The following MLF1 variants were observed in gnomAD, a reference collection of about 807,000 sequenced individuals.
MLF1 encodes the protein myeloid leukemia factor 1.
In MLF1, 37 loss-of-function variants were observed where a neutral mutation model predicts 38.3. The ratio of observed to expected loss-of-function variants is 0.96; its 90% CI spans 0.74 to 1.27. The LOEUF is 1.27. Among genes scored for constraint, MLF1 ranks in the 50% most tolerant of loss-of-function variants. The pLI is 0.00. For synonymous variants in MLF1, 95 were observed against 106.5 expected, an observed-to-expected ratio of 0.89 and a Z score of 0.66; for missense variants, 331 against 349.2, an observed-to-expected ratio of 0.95 and a Z score of 0.42.
chr3:158,578,015 C>T (rs1464145018), intron 1 of MLF1, among the ~76,000 whole-genome samples: 1 of 152,066 alleles, frequency 6.6e-6, no homozygotes, highest in Non-Finnish European at 1.5e-5. Context: ...TACTATAGGC[C>T]GAACCCTGTG....
rs368269871 is a variant in MLF1, at chr3:158,602,885, C to A, written c.692C>A (p.Thr231Asn). The change falls in exon 7 of 8, where the codon ACT (threonine) becomes AAT (asparagine). Residue 231 changes from threonine to asparagine, a missense_variant. By Grantham distance (65) the Thr-to-Asn change is moderately conservative (BLOSUM62 0). Transcript: ENST00000466246. Reference protein sequence around the residue: ...YKPGRHNLGNTRMRSVGHENP... With the variant: ...YKPGRHNLGNNRMRSVGHENP... ...CCAGGACGACACAATCTAGGAAACA[C>A]TAGAATGAGAAGTGTTGGCCATGAG... 1.2e-6 allele frequency: 2 copies of A among 1,613,538 alleles called. No individual in the cohort carries two copies. The highest frequency in any genetic ancestry group is 2.2e-5 in the South Asian group (2 of 91,022).
At chr3:158,601,156 C>T (rs1031859969) in intron 6 of MLF1, among the ~76,000 whole-genome samples, 4 of 152,010 alleles carry the variant, frequency 2.6e-5, no homozygotes, top group Non-Finnish European at 5.9e-5. Context: ...AAATTCTGGC[C>T]GGGCACGGTG....
chr3:158,597,879 CT>C (rs1719121970), intron 4 of MLF1, among the ~76,000 whole-genome samples, 200 bp from the exon 5 acceptor site: 1 of 152,126 alleles, frequency 6.6e-6, no homozygotes, highest in African/African-American at 2.4e-5. Context: ...CGTTAGGACC[CT>C]CTAGGGGTGA....
At chr3:158,573,793 G>A (rs1391377971) in intron 1 of MLF1, among the ~76,000 whole-genome samples, 1 of 143,386 alleles carries the variant, frequency 7.0e-6, no homozygotes, top group African/African-American at 2.5e-5. Flanking sequence ...ATCTGTGGGG[G>A]GTGTGTTGTG....
Position 158,596,912 on chromosome 3 carries a change from G to A in MLF1, c.291G>A (p.Met97Ile). The A allele has an allele frequency of 1.2e-6, 2 of 1,609,328 alleles. No homozygotes were observed. Among genetic ancestry groups the A allele is most frequent in the Non-Finnish European group, 1.7e-6 (2 of 1,177,002 alleles). Residue 97 changes from methionine (M) to isoleucine (I), a missense_variant, in exon 4 of 8, where the codon ATG becomes ATA. Physicochemically the swap from Met to Ile is conservative, Grantham distance 10. Transcript: ENST00000466246. The part of the protein sequence containing the change: ...FQTMDQMVSN[M>I]RNYMQKLERN... ...CAATGGACCAAATGGTGTCAAATATGAGAAACTATATGCAGAAATTAGAAA... is the reference window on the plus strand; with the variant it reads ...CAATGGACCAAATGGTGTCAAATATAAGAAACTATATGCAGAAATTAGAAA...
intron 2 of MLF1, 151 bp from the exon 3 acceptor site, chr3:158,593,231 T>A: frequency 1.9e-6 from 1 of 524,190 alleles, no homozygotes; most frequent in Non-Finnish European, 3.2e-6. Flanking sequence ...ATGATAGTTC[T>A]AAGATAACAA....
At chr3:158,582,215 G>T (rs1279677968) in intron 1 of MLF1, among the ~76,000 whole-genome samples, 1 of 151,960 alleles carries the variant, frequency 6.6e-6, no homozygotes, top group Non-Finnish European at 1.5e-5. Context: ...CCTTTTATGG[G>T]CTTATCAGTG....
At position 158,575,600 on chromosome 3, in the gene MLF1, T is replaced by C. The variant is rs1560094708; in HGVS notation, c.47+4253T>C. ...GAATCATCCACTGACCTTAGGAACA[T>C]AGAGATGTGAAACACATAGCTCATG... On this transcript the variant is annotated intron_variant, in intron 1 of 7. Coordinates refer to ENST00000466246, the MANE Select transcript of MLF1 (RefSeq NM_001369783.1). 2.0e-5 allele frequency among the ~76,000 whole-genome samples: 3 copies of C among 152,226 alleles called. No homozygotes were observed. In the East Asian group the frequency reaches 5.8e-4, roughly 29 times the overall value.
At chr3:158,601,806 CTTTT>C (rs1188640734) in intron 6 of MLF1, among the ~76,000 whole-genome samples, 1 of 96,048 alleles carries the variant, frequency 1.0e-5, no homozygotes, top group Non-Finnish European at 1.9e-5. Flanking sequence ...TAAAATTATT[CTTTT>C]TTTTTTTTTT....
At chr3:158,592,855 A>C (rs1327847636) in intron 2 of MLF1, among the ~76,000 whole-genome samples, 1 of 152,136 alleles carries the variant, frequency 6.6e-6, no homozygotes, top group African/African-American at 2.4e-5. Context: ...TTATGTATAC[A>C]TTTCTCACCT....
intron 1 of MLF1, among the ~76,000 whole-genome samples, chr3:158,578,346 A>G (rs983882101): frequency 6.6e-6 from 1 of 152,008 alleles, no homozygotes; most frequent in African/African-American, 2.4e-5. Flanking sequence ...ATATTCTTAT[A>G]TAGATGAAAA....
chr3:158,592,574 C>CT lies in MLF1; in HGVS notation c.191dup (p.Leu64PhefsTer71), dbSNP rs1560106185. ...AGAGGACATAATGATGGTGAAGATT[C>CT]TTTGACTGTAAGTTCTTTTTTTTAA... On this transcript the variant is annotated frameshift_variant, in exon 2 of 8. Coordinates refer to ENST00000466246, the MANE Select transcript of MLF1 (RefSeq NM_001369783.1). LOFTEE classifies it high-confidence loss of function. 1 of 1,600,300 alleles carries CT rather than the reference C, an allele frequency of 6.2e-7. No homozygotes were observed. Among genetic ancestry groups the CT allele is most frequent in the Non-Finnish European group, 8.5e-7 (1 of 1,176,282 alleles).
intron 1 of MLF1, among the ~76,000 whole-genome samples, chr3:158,575,327 C>G (rs975678369): frequency 6.6e-6 from 1 of 152,176 alleles, no homozygotes; most frequent in African/African-American, 2.4e-5. Context: ...TGCTTACAGA[C>G]TACCATCTTT....
chr3:158,585,604 C>T (rs1324597739), intron 1 of MLF1, among the ~76,000 whole-genome samples: 1 of 152,058 alleles, frequency 6.6e-6, no homozygotes, highest in East Asian at 1.9e-4. Context: ...ACCAGAGATA[C>T]AGAAATTAAA....
At chr3:158,576,822 A>C (rs1027297274) in intron 1 of MLF1, among the ~76,000 whole-genome samples, 6 of 151,722 alleles carry the variant, frequency 4.0e-5, no homozygotes, top group African/African-American at 1.2e-4. Flanking sequence ...ACAGGCGCAC[A>C]CCACCACACC....
intron 1 of MLF1, among the ~76,000 whole-genome samples, chr3:158,576,135 A>C (rs1308281080): frequency 6.6e-6 from 1 of 152,220 alleles, no homozygotes; most frequent in Non-Finnish European, 1.5e-5. Flanking sequence ...GAAAAGTAAA[A>C]GGAAATGTTA....
chr3:158,583,080 C>T (rs1326344003), intron 1 of MLF1, among the ~76,000 whole-genome samples: 8 of 152,160 alleles, frequency 5.3e-5, no homozygotes, highest in South Asian at 2.1e-4. Flanking sequence ...GTGTATATCC[C>T]GGCCTTAAGT....
chr3:158,578,447 A>G (rs1427330688), intron 1 of MLF1, among the ~76,000 whole-genome samples: 1 of 151,578 alleles, frequency 6.6e-6, no homozygotes, highest in East Asian at 1.9e-4. Context: ...ATTATTCTAA[A>G]GGGAGACATT....
At chr3:158,601,760 A>C (rs1719792074) in intron 6 of MLF1, among the ~76,000 whole-genome samples, 1 of 142,662 alleles carries the variant, frequency 7.0e-6, no homozygotes, top group Admixed American at 7.1e-5. Flanking sequence ...TGTTGGGTGG[A>C]GGGGAGGAAG....
Sources: allele counts gnomAD v4.1 joint callset (sites outside exome capture counted in the v4.1 genomes callset), GRCh38; gene constraint gnomAD v4.1.1; transcripts MANE v1.5; gene names NCBI Gene and HGNC (gene_info 2026-07-23, HGNC 2026-07-21).